The following ENTREP2 variants were observed in gnomAD, a reference collection of about 807,000 sequenced individuals.
ENTREP2 encodes the protein protein ENTREP2.
the ENTREP2 span, among the ~76,000 whole-genome samples, chr15:29,398,886 G>A: frequency 2.6e-5 from 4 of 152,204 alleles, no homozygotes; most frequent in East Asian, 1.9e-4. Flanking sequence ...ATTAGGTTAC[G>A]CTGCCTGACA....
At chr15:29,584,905 GTCA>G in the ENTREP2 span, among the ~76,000 whole-genome samples, 1 of 151,964 alleles carries the variant, frequency 6.6e-6, no homozygotes, top group African/African-American at 2.4e-5. Flanking sequence ...TGTATATCAA[GTCA>G]TCACATTTCA....
At chr15:29,644,610 C>T in the ENTREP2 span, among the ~76,000 whole-genome samples, 1 of 151,910 alleles carries the variant, frequency 6.6e-6, no homozygotes, top group South Asian at 2.1e-4. Flanking sequence ...TAAGACCAGC[C>T]TGGGCAACAT....
the ENTREP2 span, among the ~76,000 whole-genome samples, chr15:29,449,072 T>C: frequency 1.3e-5 from 2 of 152,184 alleles, no homozygotes; most frequent in Non-Finnish European, 2.9e-5. Flanking sequence ...AGAGAGAATG[T>C]TGCGATCACT....
At chr15:29,628,744 G>A in the ENTREP2 span, among the ~76,000 whole-genome samples, 4 of 151,996 alleles carry the variant, frequency 2.6e-5, no homozygotes, top group Non-Finnish European at 4.4e-5. Flanking sequence ...GTTTTTGGAT[G>A]GTTGCATCTT....
chr15:29,148,336 C>A, the ENTREP2 span, among the ~76,000 whole-genome samples: 3 of 152,094 alleles, frequency 2.0e-5, no homozygotes, highest in Non-Finnish European at 4.4e-5. Context: ...TCTCACAGAT[C>A]CCTGGTAAAA....
At chr15:29,369,954 G>C in the ENTREP2 span, among the ~76,000 whole-genome samples, 1 of 152,158 alleles carries the variant, frequency 6.6e-6, no homozygotes, top group Non-Finnish European at 1.5e-5. Flanking sequence ...TTTGGAGGAA[G>C]CACAAGGCCC....
the ENTREP2 span, among the ~76,000 whole-genome samples, chr15:29,526,279 C>T: frequency 2.0e-5 from 3 of 152,112 alleles, no homozygotes; most frequent in African/African-American, 7.2e-5. Context: ...TCTCTTGTTA[C>T]AGGGAAAGTG....
chr15:29,228,322 CAAAAA>C, the ENTREP2 span, among the ~76,000 whole-genome samples: 1 of 70,634 alleles, frequency 1.4e-5, no homozygotes, highest in Admixed American at 1.9e-4. Context: ...CCGTCTCAAA[CAAAAA>C]CAAAAACAAA....
chr15:29,178,703 G>T, the ENTREP2 span, among the ~76,000 whole-genome samples: 24 of 152,072 alleles, frequency 1.6e-4, no homozygotes, highest in African/African-American at 5.8e-4. Context: ...TTGATTTTGA[G>T]ATGTTTACAG....
chr15:29,480,109 T>C, the ENTREP2 span, among the ~76,000 whole-genome samples: 1 of 152,132 alleles, frequency 6.6e-6, no homozygotes, highest in Non-Finnish European at 1.5e-5. Flanking sequence ...CTCATTATTC[T>C]AATTATCTCT....
the ENTREP2 span, among the ~76,000 whole-genome samples, chr15:29,445,352 T>C: frequency 1.3e-5 from 2 of 152,142 alleles, no homozygotes; most frequent in Non-Finnish European, 2.9e-5. Context: ...TGGGGGCTGA[T>C]TGCCAAGTGA....
At chr15:29,154,568 TCAC>T in the ENTREP2 span, among the ~76,000 whole-genome samples, 1 of 152,226 alleles carries the variant, frequency 6.6e-6, no homozygotes, top group African/African-American at 2.4e-5. Context: ...CATGAATCTT[TCAC>T]CACAAAGGCT....
chr15:29,339,504 T>C, the ENTREP2 span, among the ~76,000 whole-genome samples: 3 of 152,042 alleles, frequency 2.0e-5, no homozygotes, highest in African/African-American at 7.2e-5. Flanking sequence ...AGAAAGAAAA[T>C]TCGTGCGCTG....
the ENTREP2 span, among the ~76,000 whole-genome samples, chr15:29,315,671 A>G: frequency 1.3e-5 from 2 of 152,342 alleles, no homozygotes; most frequent in Admixed American, 6.5e-5. Context: ...AATATTTCCT[A>G]TAACTCACAG....
the ENTREP2 span, among the ~76,000 whole-genome samples, chr15:29,280,085 A>C: frequency 1.3e-5 from 2 of 152,230 alleles, no homozygotes; most frequent in Non-Finnish European, 2.9e-5. Flanking sequence ...AAAAACCCTC[A>C]GTTATGTACA....
At chr15:29,382,288 C>T in the ENTREP2 span, among the ~76,000 whole-genome samples, 1 of 151,258 alleles carries the variant, frequency 6.6e-6, no homozygotes. Flanking sequence ...TCACAGAGAA[C>T]ACTATTTGGG....
the ENTREP2 span, among the ~76,000 whole-genome samples, chr15:29,463,391 G>T: frequency 6.6e-6 from 1 of 152,022 alleles, no homozygotes; most frequent in Non-Finnish European, 1.5e-5. Flanking sequence ...TCCAGGGGCT[G>T]CTTAGGGGAT....
the ENTREP2 span, among the ~76,000 whole-genome samples, chr15:29,600,698 C>T: frequency 2.6e-5 from 4 of 151,964 alleles, no homozygotes; most frequent in African/African-American, 9.7e-5. Flanking sequence ...TCTCAAACTC[C>T]TGGCCTCAAG....
At chr15:29,135,418 G>C in the ENTREP2 span, among the ~76,000 whole-genome samples, 1 of 152,132 alleles carries the variant, frequency 6.6e-6, no homozygotes, top group African/African-American at 2.4e-5. The surrounding 1 kb of genome is among the most constrained non-coding windows in gnomAD (Gnocchi z 7.4). Context: ...GTTCCTTGGA[G>C]GGTGGGTCCT....
Sources: allele counts gnomAD v4.1 joint callset (sites outside exome capture counted in the v4.1 genomes callset), GRCh38; gene constraint gnomAD v4.1.1; non-coding constraint Gnocchi (gnomAD v3.1); transcripts MANE v1.5; gene names NCBI Gene and HGNC (gene_info 2026-07-23, HGNC 2026-07-21).